The following CSMD3 variants were observed in gnomAD, a reference collection of about 807,000 sequenced individuals.
CSMD3 encodes the protein CUB and sushi domain-containing protein 3.
CSMD3 carries 177 observed loss-of-function variants against 435.2 expected under a neutral mutation model. The observed-to-expected ratio is 0.41, with a 90% CI of 0.36 to 0.46. The LOEUF is 0.46. CSMD3 is among the 20% of genes least tolerant of loss of function. The pLI is 0.34. For missense variants in CSMD3, 4,265 were observed against 4,504.6 expected (o/e 0.95, Z 1.52); for synonymous variants, 1,656 against 1,520.5 (o/e 1.09, Z -2.07).
At chr8:112,346,002 G>T in intron 41 of CSMD3, 95 bp downstream of exon 41, 1 of 817,282 alleles carries the variant, frequency 1.2e-6, no homozygotes, top group South Asian at 1.4e-5. Flanking sequence ...TGCAATTTGT[G>T]AAGATTTTAT....
rs79107628 is a variant in CSMD3 at position 113,404,944 on chromosome 8, G to A, written c.178+31733C>T. 3.0e-4 allele frequency among the ~76,000 whole-genome samples: 45 copies of A among 151,550 alleles called. 1 individual carries two copies. The East Asian group carries it at 7.3e-3, about 25-fold the overall frequency. Reference sequence around the variant, plus strand: ...GTGCAAGACATGGAACTACTAGGTCGTAGTTATATAATTAAAACAAAATAA... The same window carrying A: ...GTGCAAGACATGGAACTACTAGGTCATAGTTATATAATTAAAACAAAATAA... On this transcript the variant is annotated intron_variant, in intron 1 of 70. Transcript: ENST00000297405.
At chr8:112,389,582 T>C (rs748071247) in intron 36 of CSMD3, among the ~76,000 whole-genome samples, 2 of 152,214 alleles carry the variant, frequency 1.3e-5, no homozygotes, top group Non-Finnish European at 2.9e-5. Flanking sequence ...TGTCAAGTAA[T>C]TTTTAAAACG....
intron 10 of CSMD3, among the ~76,000 whole-genome samples, chr8:112,920,916 TATAC>T (rs1243455461): frequency 2.6e-4 from 38 of 145,720 alleles, no homozygotes; most frequent in East Asian, 1.4e-3. Context: ...TATATATATA[TATAC>T]ACACACACAC....
At chr8:112,259,801 A>G (rs1037393990) in intron 61 of CSMD3, among the ~76,000 whole-genome samples, 1 of 152,160 alleles carries the variant, frequency 6.6e-6, no homozygotes, top group African/African-American at 2.4e-5. Context: ...TAATCTTTGT[A>G]TATTCAGTAC....
Position 113,054,651 on chromosome 8 carries a change from C to T in CSMD3, c.918-35472G>A, listed in dbSNP as rs561130585. Among the ~76,000 whole-genome samples the T allele has an allele frequency of 1.5e-4, 23 of 152,252 alleles. No individual in the cohort carries two copies. The South Asian group carries it at 3.9e-3, about 26-fold the overall frequency. The stretch of plus-strand genomic sequence containing the variant: ...ACAATATTAAAATATGTTCTAATCT[C>T]CCTCATCTTTTAAGAAATCCCAACT... On this transcript the variant is annotated intron_variant, in intron 5 of 70. Transcript: ENST00000297405.
intron 3 of CSMD3, among the ~76,000 whole-genome samples, chr8:113,266,171 C>T (rs541073388): frequency 2.2e-5 from 3 of 134,004 alleles, no homozygotes. Flanking sequence ...TTGAAAATAA[C>T]CCCTAAACTT....
At chr8:112,608,282 T>C (rs910675605) in intron 22 of CSMD3, among the ~76,000 whole-genome samples, 1 of 151,902 alleles carries the variant, frequency 6.6e-6, no homozygotes, top group East Asian at 1.9e-4. Flanking sequence ...CAATAAAACA[T>C]TAATAAAAAA....
intron 16 of CSMD3, among the ~76,000 whole-genome samples, chr8:112,682,163 A>G (rs1027011467): frequency 2.0e-5 from 3 of 152,120 alleles, no homozygotes; most frequent in Non-Finnish European, 1.5e-5. Flanking sequence ...AGTATACTAT[A>G]GAGAGTTTAC....
chr8:112,940,219 CCTGCTGTTTCA>C (rs2083410794), intron 9 of CSMD3, among the ~76,000 whole-genome samples: 1 of 151,608 alleles, frequency 6.6e-6, no homozygotes, highest in South Asian at 2.1e-4. Flanking sequence ...TAGCATGTTC[CCTGCTGTTTCA>C]CTGCTGAGAT....
At chr8:113,234,673 T>C (rs1191249895) in intron 3 of CSMD3, among the ~76,000 whole-genome samples, 1 of 152,130 alleles carries the variant, frequency 6.6e-6, no homozygotes, top group African/African-American at 2.4e-5. Flanking sequence ...TTTTAATAAC[T>C]TGAAGATACC....
At chr8:112,928,923 A>C (rs1349375545) in intron 9 of CSMD3, among the ~76,000 whole-genome samples, 2 of 129,748 alleles carry the variant, frequency 1.5e-5, no homozygotes, top group African/African-American at 2.8e-5. Flanking sequence ...AAGTGTTCCT[A>C]TTTCTCCACA....
chr8:113,344,055 C>T (rs1220442179), intron 1 of CSMD3, among the ~76,000 whole-genome samples: 1 of 152,112 alleles, frequency 6.6e-6, no homozygotes, highest in East Asian at 1.9e-4. Context: ...TAATATGCTA[C>T]ATTCTATATT....
chr8:112,802,138 A>T (rs953304654), intron 12 of CSMD3, among the ~76,000 whole-genome samples: 47 of 151,934 alleles, frequency 3.1e-4, no homozygotes, highest in Non-Finnish European at 5.6e-4. Flanking sequence ...ATATATTTTT[A>T]AATTTTCTGA....
At chr8:112,830,905 G>C (rs948215582) in intron 11 of CSMD3, among the ~76,000 whole-genome samples, 3 of 151,124 alleles carry the variant, frequency 2.0e-5, no homozygotes, top group Admixed American at 1.3e-4. Flanking sequence ...TCCTGCCTCA[G>C]CCTCCTGAGT....
rs565085296 is a variant in CSMD3 at position 112,976,301 on chromosome 8, G to A, written c.1031-153C>T. 1.8e-4 allele frequency among the ~76,000 whole-genome samples: 28 copies of A among 152,100 alleles called. No individual in the cohort carries two copies. The East Asian group carries it at 4.3e-3, about 23-fold the overall frequency. ...CAAACACGCGAGTAAATTGTGAAGC[G>A]CACTAGATCTGTCGGTTTGTTTCTA... On this transcript the variant is annotated intron_variant, in intron 6 of 70. Transcript: ENST00000297405.
chr8:112,310,739 C>T (rs965038591), intron 50 of CSMD3: 10 of 586,288 alleles, frequency 1.7e-5, no homozygotes, highest in East Asian at 9.4e-5. Context: ...AGTATGTATA[C>T]AAGGGGAAAA....
chr8:113,117,109 C>A (rs1410780253), intron 4 of CSMD3, among the ~76,000 whole-genome samples: 1 of 152,192 alleles, frequency 6.6e-6, no homozygotes, highest in Non-Finnish European at 1.5e-5. Context: ...ATGTTGATCA[C>A]CAAAAAATGG....
chr8:112,786,951 TCAA>T (rs2078558394), intron 13 of CSMD3, among the ~76,000 whole-genome samples: 1 of 152,140 alleles, frequency 6.6e-6, no homozygotes, highest in Non-Finnish European at 1.5e-5. Flanking sequence ...CTCTCGTTGT[TCAA>T]CTCCCACTTA....
chr8:112,462,497 T>C (rs1472132704), intron 32 of CSMD3, among the ~76,000 whole-genome samples: 1 of 152,204 alleles, frequency 6.6e-6, no homozygotes, highest in Non-Finnish European at 1.5e-5. Context: ...TCGGCACTTA[T>C]ACACAATGAA....
Sources: allele counts gnomAD v4.1 joint callset (sites outside exome capture counted in the v4.1 genomes callset), GRCh38; gene constraint gnomAD v4.1.1; transcripts MANE v1.5; gene names NCBI Gene and HGNC (gene_info 2026-07-23, HGNC 2026-07-21).